NAALADL2: variants seen among roughly 807,000 people sequenced by gnomAD.
NAALADL2 encodes N-acetylated alpha-linked acidic dipeptidase like 2, also known as inactive N-acetylated-alpha-linked acidic dipeptidase-like protein 2.
NAALADL2 carries 76 observed loss-of-function variants against 87.2 expected under a neutral mutation model. That is an observed-to-expected ratio of 0.87 (90% CI 0.72 to 1.05). The LOEUF (loss-of-function observed/expected upper bound fraction) is 1.05. Ranked by LOEUF, NAALADL2 falls within the 50% of genes least tolerant of loss-of-function variation. The pLI, the probability that NAALADL2 is intolerant of heterozygous loss-of-function variation, is 0.00. For missense variants in NAALADL2, 1,089 were observed against 945.8 expected, an observed-to-expected ratio of 1.15 and a Z score of -1.99; for synonymous variants, 354 against 331.0, an observed-to-expected ratio of 1.07 and a Z score of -0.75.
At chr3:175,092,850 T>G (rs1300858597) in intron 1 of NAALADL2, among the ~76,000 whole-genome samples, 1 of 151,942 alleles carries the variant, frequency 6.6e-6, no homozygotes, top group African/African-American at 2.4e-5. Context: ...AGATGTCACC[T>G]AAGTGAATAA....
intron 3 of NAALADL2, among the ~76,000 whole-genome samples, chr3:174,793,341 A>G (rs1209680445): frequency 6.6e-6 from 1 of 152,156 alleles, no homozygotes; most frequent in East Asian, 1.9e-4. Flanking sequence ...GTCATGGTGG[A>G]TAATCTCTAA....
intron 1 of NAALADL2, among the ~76,000 whole-genome samples, chr3:174,546,724 C>T (rs555132839): frequency 6.6e-6 from 1 of 152,240 alleles, no homozygotes; most frequent in Admixed American, 6.5e-5. Context: ...GTGGAGCGAT[C>T]TTGGCTTACT....
At chr3:175,367,470 A>T (rs1306568308) in intron 5 of NAALADL2, among the ~76,000 whole-genome samples, 2 of 152,066 alleles carry the variant, frequency 1.3e-5, no homozygotes, top group Non-Finnish European at 2.9e-5. Flanking sequence ...TTTTCACGAT[A>T]CTGATTCTTC....
intron 11 of NAALADL2, among the ~76,000 whole-genome samples, chr3:175,636,251 C>A (rs550976637): frequency 1.6e-4 from 25 of 152,174 alleles, no homozygotes; most frequent in African/African-American, 6.0e-4. Context: ...CTGCACATGA[C>A]CCTGAGAGTC....
intron 2 of NAALADL2, among the ~76,000 whole-genome samples, chr3:175,119,819 GTATA>G (rs1349986160): frequency 2.8e-5 from 4 of 142,362 alleles, no homozygotes; most frequent in Admixed American, 2.1e-4. Flanking sequence ...ATATATAAAA[GTATA>G]TATATAAGAT....
At chr3:175,444,910 C>A (rs553919729) in intron 5 of NAALADL2, among the ~76,000 whole-genome samples, 7 of 152,238 alleles carry the variant, frequency 4.6e-5, no homozygotes, top group South Asian at 2.1e-4. Flanking sequence ...AATATTTTAG[C>A]CTTGTGGTCT....
rs189723035 is a variant in NAALADL2, at chr3:175,723,079, C to T, written c.1897-14227C>T. 4.6e-5 allele frequency among the ~76,000 whole-genome samples: 7 copies of T among 152,218 alleles called. No individual in the cohort carries two copies. In the South Asian group the frequency reaches 6.2e-4, roughly 14 times the overall value. On this transcript the variant is annotated intron_variant, in intron 11 of 13. Transcript: ENST00000454872. Reference sequence around the variant, plus strand: ...CTCCTAGGGGCAGGTTCTGCTGAGCCCCAGCGTCTAGTCAAGCTGTCCTAG... The same window carrying T: ...CTCCTAGGGGCAGGTTCTGCTGAGCTCCAGCGTCTAGTCAAGCTGTCCTAG...
intron 1 of NAALADL2, among the ~76,000 whole-genome samples, chr3:175,037,853 C>A (rs1168682498): frequency 6.6e-6 from 1 of 152,076 alleles, no homozygotes; most frequent in Non-Finnish European, 1.5e-5. Context: ...GCTTGCAAGG[C>A]CCCTTAGGTG....
At chr3:175,488,591 CT>C (rs1727634551) in intron 9 of NAALADL2, among the ~76,000 whole-genome samples, 1 of 152,176 alleles carries the variant, frequency 6.6e-6, no homozygotes. Context: ...GTTTTCCCCC[CT>C]CACATGTTCT....
chr3:174,856,286 G>T (rs141705033), upstream of NAALADL2, among the ~76,000 whole-genome samples: 487 of 152,200 alleles, frequency 3.2e-3, no homozygotes, highest in Middle Eastern at 6.8e-3. Context: ...GATTACAGTC[G>T]TGAGCTCCTG....
chr3:174,617,577 A>T (rs958006907), intron 2 of NAALADL2, among the ~76,000 whole-genome samples: 30 of 151,828 alleles, frequency 2.0e-4, no homozygotes, highest in Non-Finnish European at 3.3e-4. Context: ...GTATGTAAAT[A>T]AAGGAATTGA....
chr3:175,604,418 C>A (rs890207698), intron 10 of NAALADL2, among the ~76,000 whole-genome samples: 22 of 151,478 alleles, frequency 1.5e-4, no homozygotes, highest in African/African-American at 5.3e-4. Context: ...ATTCTCCTGC[C>A]TCAGCCTCCC....
At chr3:174,854,772 A>G (rs893172676), upstream of NAALADL2, among the ~76,000 whole-genome samples, 5 of 151,412 alleles carry the variant, frequency 3.3e-5, no homozygotes, top group African/African-American at 1.2e-4. Context: ...GTAACACAGT[A>G]TCATTGTTTT....
intron 2 of NAALADL2, among the ~76,000 whole-genome samples, chr3:174,552,958 G>A (rs948816776): frequency 6.6e-6 from 1 of 152,066 alleles, no homozygotes; most frequent in Non-Finnish European, 1.5e-5. Flanking sequence ...ATAGACATAT[G>A]TTACACGTTA....
chr3:174,795,814 G>T (rs889629148), intron 3 of NAALADL2, among the ~76,000 whole-genome samples: 8 of 152,072 alleles, frequency 5.3e-5, no homozygotes, highest in Non-Finnish European at 7.4e-5. Flanking sequence ...GTGCTTATTG[G>T]TCATTTGCAT....
chr3:174,846,878 A>G (rs3914501), intron 3 of NAALADL2, among the ~76,000 whole-genome samples: 32,716 of 152,012 alleles, frequency 0.22, 3,732 homozygotes, highest in East Asian at 0.44. Context: ...TAGGAGATAT[A>G]AGACCATAGA....
At chr3:175,238,468 A>G (rs758100224) in intron 3 of NAALADL2, among the ~76,000 whole-genome samples, 1 of 152,202 alleles carries the variant, frequency 6.6e-6, no homozygotes, top group Non-Finnish European at 1.5e-5. Flanking sequence ...GAAATTAATT[A>G]TGCAAATTAG....
chr3:175,190,849 G>A (rs1738057227), intron 2 of NAALADL2, among the ~76,000 whole-genome samples: 1 of 151,814 alleles, frequency 6.6e-6, no homozygotes, highest in Admixed American at 6.6e-5. Context: ...GTGGTGGCGG[G>A]CGCCTGTAGT....
intron 9 of NAALADL2, among the ~76,000 whole-genome samples, chr3:175,497,782 G>A (rs149038763): frequency 5.5e-4 from 84 of 152,214 alleles, no homozygotes; most frequent in African/African-American, 2.0e-3. Context: ...GTATATAAGT[G>A]TTGTAATATA....
Sources: allele counts gnomAD v4.1 joint callset (sites outside exome capture counted in the v4.1 genomes callset), GRCh38; gene constraint gnomAD v4.1.1; transcripts MANE v1.5; gene names NCBI Gene and HGNC (gene_info 2026-07-23, HGNC 2026-07-21).